The following DRC9 variants were observed in gnomAD, a reference collection of about 807,000 sequenced individuals.
DRC9 encodes the protein dynein regulatory complex protein 9.
the DRC9 span, among the ~76,000 whole-genome samples, chr3:197,939,442 G>A: frequency 2.6e-5 from 4 of 152,136 alleles, no homozygotes; most frequent in Non-Finnish European, 4.4e-5. Flanking sequence ...CAGGAACGGC[G>A]TATGCCTTTC....
the DRC9 span, chr3:197,953,434 C>T: frequency 2.2e-6 from 1 of 456,734 alleles, no homozygotes; most frequent in South Asian, 1.5e-5. Context: ...ACAGTAGTTT[C>T]TCTCATTCAG....
chr3:197,896,294 G>T, the DRC9 span, among the ~76,000 whole-genome samples: 1 of 151,822 alleles, frequency 6.6e-6, no homozygotes, highest in South Asian at 2.1e-4. Flanking sequence ...GGTGAGCCAA[G>T]ATCGCACCAT....
the DRC9 span, chr3:197,950,578 C>T: frequency 1.4e-5 from 5 of 345,064 alleles, no homozygotes; most frequent in Non-Finnish European, 5.3e-6. Flanking sequence ...TTTTCTCCCC[C>T]AGCCATTGCA....
At chr3:197,938,263 G>A in the DRC9 span, among the ~76,000 whole-genome samples, 6 of 149,008 alleles carry the variant, frequency 4.0e-5, no homozygotes, top group Non-Finnish European at 7.4e-5. Flanking sequence ...GCTGCACTGC[G>A]CCGAGATCAG....
chr3:197,943,961 T>G, the DRC9 span: 2 of 1,614,196 alleles, frequency 1.2e-6, no homozygotes, highest in Non-Finnish European at 8.5e-7. Context: ...TTCCTTCTTC[T>G]TCTACGGTAC....
At chr3:197,912,712 T>A in the DRC9 span, 1 of 1,613,928 alleles carries the variant, frequency 6.2e-7, no homozygotes, top group East Asian at 2.2e-5. Context: ...AATCTCTGTA[T>A]GAGTCCGGGC....
chr3:197,905,688 C>T, the DRC9 span, among the ~76,000 whole-genome samples: 1 of 151,874 alleles, frequency 6.6e-6, no homozygotes, highest in Non-Finnish European at 1.5e-5. Context: ...GCGGAGGCTG[C>T]GGTGAGCTGA....
the DRC9 span, among the ~76,000 whole-genome samples, chr3:197,946,999 C>T: frequency 1.3e-5 from 2 of 151,982 alleles, no homozygotes; most frequent in African/African-American, 2.4e-5. Flanking sequence ...TTAGTAGAGA[C>T]GGGGTTTCAC....
chr3:197,924,783 G>A, the DRC9 span, among the ~76,000 whole-genome samples: 2 of 152,066 alleles, frequency 1.3e-5, no homozygotes, highest in Non-Finnish European at 2.9e-5. Flanking sequence ...TTCCCAAAGT[G>A]CTGGGATTAT....
At chr3:197,903,425 T>G in the DRC9 span, among the ~76,000 whole-genome samples, 3 of 151,546 alleles carry the variant, frequency 2.0e-5, no homozygotes, top group East Asian at 5.9e-4. Context: ...GGCAGGTGGA[T>G]CACTTGAGGC....
At chr3:197,929,319 A>C in the DRC9 span, among the ~76,000 whole-genome samples, 1 of 152,188 alleles carries the variant, frequency 6.6e-6, no homozygotes, top group African/African-American at 2.4e-5. This position sits in a 1 kb window ranked among gnomAD's most constrained non-coding sequence, Gnocchi z 4.6. Flanking sequence ...TGCTGACTAC[A>C]CCAAGGGAAA....
chr3:197,957,049 T>C, the DRC9 span: 1 of 152,206 alleles, frequency 6.6e-6, no homozygotes, highest in Non-Finnish European at 1.5e-5. Context: ...AGAATTAACA[T>C]GCTGGAAATG....
At chr3:197,957,382 A>G in the DRC9 span, 4 of 151,780 alleles carry the variant, frequency 2.6e-5, no homozygotes, top group African/African-American at 9.7e-5. Flanking sequence ...CAAAGCTGCC[A>G]TTGTTGGAGT....
the DRC9 span, among the ~76,000 whole-genome samples, chr3:197,895,967 CCT>C: frequency 8.3e-6 from 1 of 121,016 alleles, no homozygotes; most frequent in Admixed American, 7.8e-5. Flanking sequence ...AGAACAAGAC[CCT>C]GTCTCAAAAA....
the DRC9 span, among the ~76,000 whole-genome samples, chr3:197,922,599 G>C: frequency 1.3e-5 from 2 of 152,038 alleles, no homozygotes; most frequent in African/African-American, 4.8e-5. Flanking sequence ...CCAGCTACTT[G>C]GGAGGCTGAA....
the DRC9 span, among the ~76,000 whole-genome samples, chr3:197,934,663 C>G: frequency 6.6e-6 from 1 of 151,926 alleles, no homozygotes; most frequent in Non-Finnish European, 1.5e-5. Flanking sequence ...TCTTCATGAT[C>G]CTCTCCTAAG....
chr3:197,954,174 C>T, the DRC9 span: 23 of 1,612,888 alleles, frequency 1.4e-5, no homozygotes, highest in African/African-American at 9.3e-5. Flanking sequence ...GCAAAATGGA[C>T]GTCTGATGAA....
chr3:197,952,431 G>A, the DRC9 span: 1 of 152,136 alleles, frequency 6.6e-6, no homozygotes, highest in East Asian at 1.9e-4. Context: ...GCCTCCCAAA[G>A]TGCTGGGATT....
At chr3:197,897,655 A>C in the DRC9 span, among the ~76,000 whole-genome samples, 4 of 152,302 alleles carry the variant, frequency 2.6e-5, no homozygotes, top group Admixed American at 1.3e-4. Flanking sequence ...ACATTTATAA[A>C]ATATTGTCTG....
Sources: gnomAD v4.1 joint callset for allele counts (sites outside exome capture counted in the v4.1 genomes callset) on GRCh38, gnomAD v4.1.1 for gene constraint, Gnocchi (gnomAD v3.1) non-coding constraint, MANE v1.5 for transcripts, NCBI Gene and HGNC (gene_info 2026-07-23, HGNC 2026-07-21) for gene names.